Variants in CA10 observed in about 807,000 individuals in gnomAD.
The protein encoded by CA10 is carbonic anhydrase 10 (inactive), also known as carbonic anhydrase-related protein 10.
Under a neutral mutation model 44.2 loss-of-function variants are expected in CA10, and 14 were observed. The observed-to-expected ratio is 0.32, with a 90% CI of 0.21 to 0.50. The LOEUF (loss-of-function observed/expected upper bound fraction) is 0.50, where lower values mean the gene tolerates loss of function less well. Among genes scored for constraint, CA10 ranks in the 20% least tolerant of loss-of-function variants. The probability of loss-of-function intolerance (pLI) is 0.99; values close to 1 mark genes in which losing one functional copy is unlikely to be tolerated. For synonymous variants in CA10, 159 were observed against 141.6 expected (o/e 1.12, Z -0.87); for missense variants, 350 against 409.7 (o/e 0.85, Z 1.26).
chr17:51,898,854 T>A (rs1289502373), intron 3 of CA10, among the ~76,000 whole-genome samples: 1 of 151,928 alleles, frequency 6.6e-6, no homozygotes, highest in South Asian at 2.1e-4. Flanking sequence ...TTCATAGTAG[T>A]CTCTGAGGTT....
intron 1 of CA10, among the ~76,000 whole-genome samples, chr17:52,089,140 G>T (rs1988195865): frequency 6.6e-6 from 1 of 152,202 alleles, no homozygotes; most frequent in Non-Finnish European, 1.5e-5. Context: ...TGATGCAAAT[G>T]TTGTACTCTA....
intron 3 of CA10, among the ~76,000 whole-genome samples, chr17:51,843,044 G>A (rs1177374176): frequency 1.3e-5 from 2 of 152,192 alleles, no homozygotes; most frequent in Admixed American, 1.3e-4. Flanking sequence ...TGGGATTGAT[G>A]GAGATACTGA....
intron 4 of CA10, among the ~76,000 whole-genome samples, chr17:51,668,929 A>AG (rs1914308268): frequency 6.6e-6 from 1 of 152,160 alleles, no homozygotes; most frequent in Non-Finnish European, 1.5e-5. Flanking sequence ...GCAGCTGTGG[A>AG]GGGGGCGCCA....
intron 1 of CA10, among the ~76,000 whole-genome samples, chr17:52,089,677 T>C (rs1238252150): frequency 1.3e-5 from 2 of 152,016 alleles, no homozygotes; most frequent in Non-Finnish European, 2.9e-5. Flanking sequence ...TTAACAACAA[T>C]AGCTAGTAAA....
intron 3 of CA10, among the ~76,000 whole-genome samples, chr17:51,840,877 G>A (rs916664090): frequency 6.6e-6 from 1 of 152,176 alleles, no homozygotes; most frequent in Admixed American, 6.5e-5. Flanking sequence ...AGTAACAGAG[G>A]CAGACTTCAG....
intron 3 of CA10, among the ~76,000 whole-genome samples, chr17:51,856,221 T>C (rs763517691): frequency 6.6e-6 from 1 of 152,174 alleles, no homozygotes; most frequent in African/African-American, 2.4e-5. Flanking sequence ...CCAATCCTAA[T>C]GTATTAGATC....
At chr17:51,783,653 GAA>G (rs1906143403) in intron 3 of CA10, among the ~76,000 whole-genome samples, 1 of 152,138 alleles carries the variant, frequency 6.6e-6, no homozygotes, top group African/African-American at 2.4e-5. Flanking sequence ...AAGGAGACAA[GAA>G]AAGAAAAGGC....
chr17:51,947,581 C>G (rs1983331559), intron 2 of CA10, among the ~76,000 whole-genome samples: 1 of 152,138 alleles, frequency 6.6e-6, no homozygotes, highest in South Asian at 2.1e-4. Context: ...AGACAGAGGT[C>G]CTGTTGGAGC....
chr17:51,859,482 G>C (rs984183773), intron 3 of CA10, among the ~76,000 whole-genome samples: 1 of 152,074 alleles, frequency 6.6e-6, no homozygotes, highest in Non-Finnish European at 1.5e-5. Flanking sequence ...TATACTTTTG[G>C]CTGGGTTTTG....
intron 3 of CA10, among the ~76,000 whole-genome samples, chr17:51,903,834 A>C (rs894035307): frequency 6.6e-6 from 1 of 152,158 alleles, no homozygotes; most frequent in African/African-American, 2.4e-5. Context: ...AAAGAGAATA[A>C]GGTAGTAAGC....
chr17:51,708,862 G>A (rs1313686427), intron 4 of CA10, among the ~76,000 whole-genome samples: 1 of 152,238 alleles, frequency 6.6e-6, no homozygotes, highest in Admixed American at 6.5e-5. Flanking sequence ...ACCTATACCA[G>A]TGGTTTGCCA....
chr17:51,993,233 G>A (rs1437754729), intron 2 of CA10, among the ~76,000 whole-genome samples: 23 of 152,042 alleles, frequency 1.5e-4, no homozygotes, highest in Admixed American at 1.4e-3. Context: ...TCCTGTTGTC[G>A]TTAATACTGA....
chr17:51,999,250 G>A (rs1260199655), intron 2 of CA10, among the ~76,000 whole-genome samples: 2 of 152,042 alleles, frequency 1.3e-5, no homozygotes, highest in Admixed American at 6.6e-5. Context: ...GAAGTTCAGA[G>A]CAGCAGAGGA....
At position 51,657,562 on chromosome 17, in the gene CA10, G is replaced by T. The variant is rs190323828; in HGVS notation, c.466-3826C>A. ...CAATGTGCAAACCACATCCTGCTAG[G>T]GACAGAGTATCAGATTGGCAGATGG... On this transcript the variant is annotated intron_variant, in intron 4 of 8. Transcript: ENST00000451037. 1.3e-3 allele frequency among the ~76,000 whole-genome samples: 197 copies of T among 152,286 alleles called. 1 individual carries two copies. The highest frequency in any genetic ancestry group is 4.6e-3 in the African/African-American group (190 of 41,556).
At chr17:52,080,401 G>A (rs557431384) in intron 1 of CA10, among the ~76,000 whole-genome samples, 108 of 151,518 alleles carry the variant, frequency 7.1e-4, no homozygotes, top group African/African-American at 2.1e-3. Flanking sequence ...GCAGTGAGCC[G>A]AGATTGCACC....
intron 1 of CA10, among the ~76,000 whole-genome samples, chr17:52,113,704 C>T (rs1988833658): frequency 6.6e-6 from 1 of 152,186 alleles, no homozygotes. Context: ...AGAAAATGGC[C>T]ATCCTACTTC....
intron 3 of CA10, among the ~76,000 whole-genome samples, chr17:51,827,332 GCACACACACA>G (rs35515561): frequency 1.4e-5 from 2 of 147,668 alleles, no homozygotes; most frequent in East Asian, 2.0e-4. Flanking sequence ...AGAGAAACAC[GCACACACACA>G]CACACACACA....
chr17:51,755,842 A>G (rs1263612353), intron 3 of CA10, among the ~76,000 whole-genome samples: 2 of 152,112 alleles, frequency 1.3e-5, no homozygotes, highest in African/African-American at 2.4e-5. Flanking sequence ...TTCATGACCC[A>G]AGCTCATGCT....
intron 3 of CA10, among the ~76,000 whole-genome samples, chr17:51,920,035 T>C (rs1982166591): frequency 6.6e-6 from 1 of 152,136 alleles, no homozygotes. Context: ...CTCATGAGAT[T>C]CCTGGAAAAC....
Sources: allele counts gnomAD v4.1 joint callset (sites outside exome capture counted in the v4.1 genomes callset), GRCh38; gene constraint gnomAD v4.1.1; transcripts MANE v1.5; gene names NCBI Gene and HGNC (gene_info 2026-07-23, HGNC 2026-07-21).